MACROD2: variants seen among roughly 807,000 people sequenced by gnomAD.
The protein encoded by MACROD2 is mono-ADP ribosylhydrolase 2, also known as ADP-ribose glycohydrolase MACROD2.
In MACROD2, 36 loss-of-function variants were observed where a neutral mutation model predicts 70.4. The ratio of observed to expected loss-of-function variants is 0.51; its 90% CI spans 0.39 to 0.68. The LOEUF (loss-of-function observed/expected upper bound fraction) is 0.68. Among genes scored for constraint, MACROD2 ranks in the 30% least tolerant of loss-of-function variants. The pLI, the probability that MACROD2 is intolerant of heterozygous loss-of-function variation, is 0.00. For synonymous variants in MACROD2, 172 were observed against 178.8 expected, an observed-to-expected ratio of 0.96 and a Z score of 0.30; for missense variants, 496 against 538.4, an observed-to-expected ratio of 0.92 and a Z score of 0.78.
intron 6 of MACROD2, among the ~76,000 whole-genome samples, chr20:15,380,681 C>T (rs191487907): frequency 8.1e-4 from 123 of 151,866 alleles, no homozygotes; most frequent in African/African-American, 2.8e-3. Context: ...ATATTGTGCA[C>T]GAAATTAGCC....
At chr20:14,275,310 C>A (rs2082241564) in intron 3 of MACROD2, among the ~76,000 whole-genome samples, 1 of 152,074 alleles carries the variant, frequency 6.6e-6, no homozygotes, top group Non-Finnish European at 1.5e-5. Context: ...AGAACAGAGC[C>A]CTCAGAAATA....
At chr20:15,058,479 G>A (rs1011435935) in intron 5 of MACROD2, among the ~76,000 whole-genome samples, 4 of 152,112 alleles carry the variant, frequency 2.6e-5, no homozygotes, top group African/African-American at 9.7e-5. Context: ...CCCAAATAAT[G>A]TATGGAATAT....
At chr20:14,242,907 GTTAAA>G (rs962259490) in intron 3 of MACROD2, among the ~76,000 whole-genome samples, 9 of 152,082 alleles carry the variant, frequency 5.9e-5, no homozygotes, top group Admixed American at 3.9e-4. Context: ...TTATTAATTT[GTTAAA>G]TTAAACAGAT....
Position 14,850,007 on chromosome 20 carries a change from T to C in MACROD2, c.418+165048T>C, listed in dbSNP as rs765900847. The C allele has an allele frequency of 2.9e-5, 15 of 517,478 alleles. No homozygotes were observed. The East Asian group carries it at 7.6e-4, about 26-fold the overall frequency. 32.1% of individuals were successfully genotyped at this position (517,478 alleles called of 1,614,324 possible). A position where few individuals can be genotyped will look rare whatever the true frequency, so the allele number is the denominator to read the frequency against. On this transcript the variant is annotated intron_variant, in intron 5 of 17. Transcript: ENST00000684519. ...CGAAAAATCTACCAAAGATTAAGTA[T>C]GTTTCTCTATTGTATTCCTGCAGGT... is the stretch of plus-strand genomic sequence containing the variant.
At chr20:14,420,114 T>G (rs2122891406) in intron 3 of MACROD2, among the ~76,000 whole-genome samples, 1 of 151,236 alleles carries the variant, frequency 6.6e-6, no homozygotes, top group African/African-American at 2.4e-5. Flanking sequence ...TTTTATTTCT[T>G]ACCATAGGGC....
chr20:14,976,689 C>T (rs777795218), intron 5 of MACROD2, among the ~76,000 whole-genome samples: 17 of 152,122 alleles, frequency 1.1e-4, no homozygotes, highest in Non-Finnish European at 2.1e-4. Flanking sequence ...ATGGTTTAGC[C>T]TAGAGGTGAA....
rs1335590998 is a variant in MACROD2 at position 15,847,769 on chromosome 20, G to C, written c.646-14976G>C. Among the ~76,000 whole-genome samples the C allele has an allele frequency of 4.6e-5, 7 of 152,044 alleles. No homozygotes were observed. The East Asian group carries it at 1.3e-3, about 29-fold the overall frequency. On this transcript the variant is annotated intron_variant, in intron 8 of 17. Transcript: ENST00000684519. Reference sequence around the variant, plus strand: ...TGTTCTTTTTTTCCATATACCCCCAGTGAGAAAGGTTGACATTTAGTTGAC... The same window carrying C: ...TGTTCTTTTTTTCCATATACCCCCACTGAGAAAGGTTGACATTTAGTTGAC...
At chr20:15,461,006 A>ATATATATATATATATATTTTTTTTTTT in intron 7 of MACROD2, among the ~76,000 whole-genome samples, 21 of 66,968 alleles carry the variant, frequency 3.1e-4, no homozygotes, top group Admixed American at 3.6e-4. Context: ...ATATATATAT[A>ATATATATATATATATATTTTTTTTTTT]TTTTTTTTTA....
At chr20:15,558,816 A>G (rs1228279512) in intron 8 of MACROD2, among the ~76,000 whole-genome samples, 2 of 152,234 alleles carry the variant, frequency 1.3e-5, no homozygotes, top group Non-Finnish European at 2.9e-5. Context: ...CCCTGATAGT[A>G]TCATTTCTTT....
chr20:14,933,178 C>T (rs2074311136), intron 5 of MACROD2, among the ~76,000 whole-genome samples: 1 of 151,750 alleles, frequency 6.6e-6, no homozygotes, highest in Non-Finnish European at 1.5e-5. Context: ...TTTATACATA[C>T]TGGAAATTAT....
At chr20:15,734,041 G>A (rs1568998933) in intron 8 of MACROD2, among the ~76,000 whole-genome samples, 2 of 152,152 alleles carry the variant, frequency 1.3e-5, no homozygotes, top group South Asian at 2.1e-4. Flanking sequence ...GAAACATGGA[G>A]AAAGATTACT....
intron 3 of MACROD2, among the ~76,000 whole-genome samples, chr20:14,239,244 A>G (rs1250230743): frequency 1.3e-5 from 2 of 152,168 alleles, no homozygotes; most frequent in Non-Finnish European, 2.9e-5. Context: ...AAATGGAAAA[A>G]CATTTCATAC....
At chr20:15,065,871 T>G (rs2075570372) in intron 5 of MACROD2, among the ~76,000 whole-genome samples, 1 of 152,146 alleles carries the variant, frequency 6.6e-6, no homozygotes, top group Non-Finnish European at 1.5e-5. Context: ...AATCAACTGT[T>G]GTTGCATAAG....
At chr20:14,970,037 A>G (rs929198482) in intron 5 of MACROD2, among the ~76,000 whole-genome samples, 1 of 152,152 alleles carries the variant, frequency 6.6e-6, no homozygotes, top group Non-Finnish European at 1.5e-5. Flanking sequence ...GCTATGAAAA[A>G]ATACCTTAAA....
At chr20:16,035,197 T>TGA in intron 15 of MACROD2, among the ~76,000 whole-genome samples, 2 of 126,708 alleles carry the variant, frequency 1.6e-5, no homozygotes, top group Non-Finnish European at 3.3e-5. Flanking sequence ...ATATAAAATA[T>TGA]AATATAAAAT....
intron 5 of MACROD2, among the ~76,000 whole-genome samples, chr20:14,692,050 T>A (rs2071071297): frequency 6.6e-6 from 1 of 152,168 alleles, no homozygotes; most frequent in African/African-American, 2.4e-5. Context: ...TCATGATGAA[T>A]GTGGAAATAA....
rs866640123 is a variant in MACROD2 at position 14,981,452 on chromosome 20, A to G, written c.419-248488A>G. ...TATATGTATATATATATATATATAT[A>G]TGTGTGTGTGTGTCTGTGTGTGTGT... On this transcript the variant is annotated intron_variant, in intron 5 of 17. Transcript: ENST00000684519. Among the ~76,000 whole-genome samples, 488 of 140,186 alleles carry G rather than the reference A, an allele frequency of 3.5e-3. 3 individuals carry two copies. Among genetic ancestry groups the G allele is most frequent in the African/African-American group, 0.012 (471 of 37,808 alleles). The allele number at this position is 140,186 out of a possible 152,430, so 92.0% of individuals were successfully genotyped here. A position where few individuals can be genotyped will look rare whatever the true frequency, so the allele number is the denominator to read the frequency against.
chr20:14,277,217 A>AG (rs1173292385), intron 3 of MACROD2, among the ~76,000 whole-genome samples: 1 of 152,030 alleles, frequency 6.6e-6, no homozygotes, highest in African/African-American at 2.4e-5. Context: ...TGGGAGGCTG[A>AG]GGGGGGCGGA....
intron 2 of MACROD2, among the ~76,000 whole-genome samples, chr20:14,065,433 C>T (rs919565000): frequency 1.3e-5 from 2 of 152,116 alleles, no homozygotes; most frequent in Admixed American, 6.5e-5. Context: ...TCTGGCTTAC[C>T]TGGCAGGAGA....
Sources: gnomAD v4.1 joint callset for allele counts (sites outside exome capture counted in the v4.1 genomes callset) on GRCh38, gnomAD v4.1.1 for gene constraint, MANE v1.5 for transcripts, NCBI Gene and HGNC (gene_info 2026-07-23, HGNC 2026-07-21) for gene names.